The following ENTREP2 variants were observed in gnomAD, a reference collection of about 807,000 sequenced individuals.
ENTREP2 encodes the protein protein ENTREP2.
the ENTREP2 span, among the ~76,000 whole-genome samples, chr15:29,459,026 C>A: frequency 6.6e-6 from 1 of 152,200 alleles, no homozygotes; most frequent in Non-Finnish European, 1.5e-5. Flanking sequence ...CCAGGGCAGG[C>A]AAACTTCACC....
the ENTREP2 span, among the ~76,000 whole-genome samples, chr15:29,147,130 T>G: frequency 6.6e-6 from 1 of 152,174 alleles, no homozygotes. Context: ...GAGAGAAATT[T>G]ACAAATTATA....
At chr15:29,450,678 A>G in the ENTREP2 span, among the ~76,000 whole-genome samples, 4 of 152,242 alleles carry the variant, frequency 2.6e-5, no homozygotes, top group Admixed American at 2.6e-4. Flanking sequence ...TGCTCTCTGC[A>G]ACACTATTCA....
At chr15:29,541,309 C>A in the ENTREP2 span, among the ~76,000 whole-genome samples, 1 of 152,220 alleles carries the variant, frequency 6.6e-6, no homozygotes, top group African/African-American at 2.4e-5. Flanking sequence ...CGGTACTGAG[C>A]ACCTGCCGTA....
chr15:29,540,096 C>T, the ENTREP2 span, among the ~76,000 whole-genome samples: 1 of 152,160 alleles, frequency 6.6e-6, no homozygotes, highest in Non-Finnish European at 1.5e-5. Flanking sequence ...ACCCCATACT[C>T]CTGACACCCC....
the ENTREP2 span, among the ~76,000 whole-genome samples, chr15:29,674,142 G>GGT: frequency 1.5e-5 from 2 of 135,728 alleles, no homozygotes; most frequent in African/African-American, 5.1e-5. Flanking sequence ...GGGGGGGGGG[G>GGT]GCTTTGCCAG....
At chr15:29,403,238 A>T in the ENTREP2 span, among the ~76,000 whole-genome samples, 1 of 152,194 alleles carries the variant, frequency 6.6e-6, no homozygotes, top group Non-Finnish European at 1.5e-5. Context: ...TCAGACATAA[A>T]TGCAAGCTAC....
chr15:29,399,915 G>A, the ENTREP2 span, among the ~76,000 whole-genome samples: 1 of 152,196 alleles, frequency 6.6e-6, no homozygotes, highest in South Asian at 2.1e-4. Context: ...AGGCTCAGGA[G>A]GAGGAGGAGG....
the ENTREP2 span, among the ~76,000 whole-genome samples, chr15:29,513,718 G>A: frequency 6.6e-6 from 1 of 152,322 alleles, no homozygotes; most frequent in Admixed American, 6.5e-5. Flanking sequence ...TCCACAAGGA[G>A]CATTCCCACC....
At chr15:29,289,657 T>A in the ENTREP2 span, among the ~76,000 whole-genome samples, 1 of 151,850 alleles carries the variant, frequency 6.6e-6, no homozygotes, top group Non-Finnish European at 1.5e-5. Context: ...ACCAGCCTGA[T>A]CAACATGGCA....
the ENTREP2 span, among the ~76,000 whole-genome samples, chr15:29,248,727 G>A: frequency 1.3e-5 from 2 of 152,068 alleles, no homozygotes; most frequent in African/African-American, 2.4e-5. Context: ...AATTAGCATG[G>A]ATTAAAAAGA....
At chr15:29,394,686 C>G in the ENTREP2 span, among the ~76,000 whole-genome samples, 1 of 152,116 alleles carries the variant, frequency 6.6e-6, no homozygotes, top group Non-Finnish European at 1.5e-5. Flanking sequence ...AACCTTTCAT[C>G]TTGCAAAATT....
chr15:29,567,205 GT>G, the ENTREP2 span, among the ~76,000 whole-genome samples: 1,142 of 152,228 alleles, frequency 7.5e-3, 13 homozygotes, highest in African/African-American at 0.026. Context: ...GCACAGCTCT[GT>G]ATTCATCACA....
chr15:29,372,508 A>T, the ENTREP2 span, among the ~76,000 whole-genome samples: 2 of 152,310 alleles, frequency 1.3e-5, no homozygotes, highest in African/African-American at 4.8e-5. Context: ...TTTCAACTAC[A>T]TGAGGGGTCA....
At chr15:29,608,454 T>C in the ENTREP2 span, among the ~76,000 whole-genome samples, 1 of 151,878 alleles carries the variant, frequency 6.6e-6, no homozygotes, top group East Asian at 1.9e-4. Context: ...GTGGAGCCCT[T>C]CCTGATCAGT....
the ENTREP2 span, among the ~76,000 whole-genome samples, chr15:29,436,717 T>G: frequency 6.6e-6 from 1 of 152,174 alleles, no homozygotes; most frequent in Non-Finnish European, 1.5e-5. Context: ...TTCGGAAGCT[T>G]GAAAACAAAA....
the ENTREP2 span, among the ~76,000 whole-genome samples, chr15:29,656,039 A>C: frequency 6.6e-6 from 1 of 151,442 alleles, no homozygotes; most frequent in African/African-American, 2.4e-5. Flanking sequence ...AAAAAAAAAA[A>C]AAAACAACTA....
the ENTREP2 span, among the ~76,000 whole-genome samples, chr15:29,627,161 C>T: frequency 1.6e-3 from 247 of 152,074 alleles, no homozygotes; most frequent in African/African-American, 5.7e-3. Context: ...GATGTGTTTT[C>T]GTTTCATGCA....
chr15:29,379,614 C>T, the ENTREP2 span, among the ~76,000 whole-genome samples: 1 of 152,156 alleles, frequency 6.6e-6, no homozygotes, highest in African/African-American at 2.4e-5. Flanking sequence ...TGCTACATCC[C>T]CCCACTGGGA....
chr15:29,620,393 T>G, the ENTREP2 span, among the ~76,000 whole-genome samples: 1 of 152,086 alleles, frequency 6.6e-6, no homozygotes, highest in East Asian at 1.9e-4. Flanking sequence ...TCAGGGACAG[T>G]GCACCTGGGC....
Sources: allele counts gnomAD v4.1 joint callset (sites outside exome capture counted in the v4.1 genomes callset), GRCh38; gene constraint gnomAD v4.1.1; transcripts MANE v1.5; gene names NCBI Gene and HGNC (gene_info 2026-07-23, HGNC 2026-07-21).